EPHA6: variants seen among roughly 807,000 people sequenced by gnomAD.
EPHA6 encodes EPH receptor A6.
Under a neutral mutation model 112.0 loss-of-function variants are expected in EPHA6, and 50 were observed. The observed-to-expected ratio is 0.45, with a 90% confidence interval of 0.36 to 0.56. The LOEUF is 0.56. Among genes scored for constraint, EPHA6 ranks in the 20% least tolerant of loss-of-function variants. The probability of loss-of-function intolerance (pLI) is 0.00; values close to 1 mark genes in which losing one functional copy is unlikely to be tolerated. For missense variants in EPHA6, 1,280 were observed against 1,417.4 expected, an observed-to-expected ratio of 0.90 and a Z score of 1.56; for synonymous variants, 529 against 490.7, an observed-to-expected ratio of 1.08 and a Z score of -1.03.
chr3:97,652,498 C>T (rs1258306498), intron 14 of EPHA6, among the ~76,000 whole-genome samples: 1 of 152,044 alleles, frequency 6.6e-6, no homozygotes, highest in Non-Finnish European at 1.5e-5. Flanking sequence ...TATCCTTGGA[C>T]ACTTAAGTTT....
rs564625643 is a variant in EPHA6 at position 96,919,363 on chromosome 3, A to G, written c.450+52474A>G. On this transcript the variant is annotated intron_variant, in intron 2 of 17. Coordinates refer to ENST00000389672, the MANE Select transcript of EPHA6 (RefSeq NM_001080448.3). The stretch of plus-strand genomic sequence containing the variant: ...TTGAGAGCATGGATTAAATGTACAC[A>G]CATATACATAAAATGTAAAATAAAA... Among the ~76,000 whole-genome samples, 3 of 152,058 alleles carry G rather than the reference A, an allele frequency of 2.0e-5. No homozygotes were observed. In the East Asian group the frequency reaches 5.8e-4, roughly 29 times the overall value.
intron 3 of EPHA6, among the ~76,000 whole-genome samples, chr3:97,008,208 C>T (rs2043956532): frequency 6.6e-6 from 1 of 152,138 alleles, no homozygotes; most frequent in Non-Finnish European, 1.5e-5. Flanking sequence ...TTTTCCAGCT[C>T]ATTTCCATTC....
intron 11 of EPHA6, among the ~76,000 whole-genome samples, chr3:97,543,210 G>A (rs1560118298): frequency 6.6e-6 from 1 of 152,274 alleles, no homozygotes; most frequent in African/African-American, 2.4e-5. Context: ...TTTTCTTCTA[G>A]GGTTTTTATG....
chr3:97,277,699 G>T (rs1037366453), intron 5 of EPHA6, among the ~76,000 whole-genome samples: 5 of 152,050 alleles, frequency 3.3e-5, no homozygotes, highest in African/African-American at 9.7e-5. Context: ...ACAAAGAAAA[G>T]ATACAATAAA....
intron 3 of EPHA6, among the ~76,000 whole-genome samples, chr3:97,217,198 A>G (rs1219886894): frequency 6.6e-6 from 1 of 152,186 alleles, no homozygotes; most frequent in Non-Finnish European, 1.5e-5. Flanking sequence ...TCAAGGTAGC[A>G]AGATTTCACA....
chr3:97,615,095 T>C (rs963464499), intron 13 of EPHA6, among the ~76,000 whole-genome samples: 2 of 152,070 alleles, frequency 1.3e-5, no homozygotes, highest in Admixed American at 6.6e-5. Context: ...GGGAAACAGT[T>C]TGACCTACAG....
intron 2 of EPHA6, among the ~76,000 whole-genome samples, chr3:96,973,764 G>T (rs1433495699): frequency 6.7e-6 from 1 of 148,768 alleles, no homozygotes; most frequent in Non-Finnish European, 1.5e-5. Context: ...CGTGGGGGCT[G>T]CAGTGAGCCG....
rs72933403 is a variant in EPHA6 at position 96,858,530 on chromosome 3, G to A, written c.386-8295G>A. 1.3e-5 allele frequency among the ~76,000 whole-genome samples: 2 copies of A among 152,062 alleles called. 1 individual carries two copies. Among genetic ancestry groups the A allele is most frequent in the South Asian group, 4.1e-4 (2 of 4,828 alleles). On this transcript the variant is annotated intron_variant, in intron 1 of 17. Transcript: ENST00000389672. ...GCTTGTGTGTCGTGATATTAGGTAT[G>A]CCATGAAAAAGTCCCAAGTCAGTGT...
At chr3:97,659,910 T>C (rs1477454303) in intron 14 of EPHA6, among the ~76,000 whole-genome samples, 5 of 152,030 alleles carry the variant, frequency 3.3e-5, no homozygotes, top group African/African-American at 7.2e-5. Flanking sequence ...TTACAGTTTA[T>C]TTAAGTACTA....
intron 3 of EPHA6, among the ~76,000 whole-genome samples, chr3:97,065,593 T>C (rs535599037): frequency 6.6e-6 from 1 of 152,178 alleles, no homozygotes; most frequent in Non-Finnish European, 1.5e-5. Flanking sequence ...ATTTCTGATA[T>C]CAAGATACTT....
At chr3:97,136,273 T>G (rs1388072345) in intron 3 of EPHA6, among the ~76,000 whole-genome samples, 1 of 152,178 alleles carries the variant, frequency 6.6e-6, no homozygotes, top group Non-Finnish European at 1.5e-5. Context: ...ACCTTAGATA[T>G]TATATAAAAT....
intron 2 of EPHA6, 91 bp downstream of exon 2, chr3:96,866,980 G>C (rs2036353412): frequency 1.5e-6 from 1 of 654,264 alleles, no homozygotes; most frequent in Non-Finnish European, 2.5e-6. Flanking sequence ...GGCCCTACTT[G>C]TTATGAATTT....
chr3:97,168,762 C>G (rs1489998170), intron 3 of EPHA6, among the ~76,000 whole-genome samples: 1 of 152,070 alleles, frequency 6.6e-6, no homozygotes, highest in Non-Finnish European at 1.5e-5. Context: ...AGACCCTTTT[C>G]GTTATACCCA....
chr3:97,741,984 C>T (rs982338739), intron 16 of EPHA6, among the ~76,000 whole-genome samples: 1 of 152,036 alleles, frequency 6.6e-6, no homozygotes, highest in African/African-American at 2.4e-5. Flanking sequence ...CCACAATGCC[C>T]AGCCACTTGA....
intron 13 of EPHA6, among the ~76,000 whole-genome samples, chr3:97,619,632 C>T (rs2093797162): frequency 6.6e-6 from 1 of 151,834 alleles, no homozygotes; most frequent in Admixed American, 6.6e-5. Context: ...AACAGTCAGG[C>T]CAATAGCCAA....
At chr3:97,559,304 A>G (rs1440537735) in intron 11 of EPHA6, among the ~76,000 whole-genome samples, 3 of 152,082 alleles carry the variant, frequency 2.0e-5, no homozygotes, top group Non-Finnish European at 2.9e-5. Context: ...TGCAATGCAT[A>G]TGAATTGGCA....
chr3:97,084,113 T>TATATATATCC, intron 3 of EPHA6, among the ~76,000 whole-genome samples: 2 of 123,712 alleles, frequency 1.6e-5, no homozygotes, highest in African/African-American at 6.6e-5. Flanking sequence ...TATATATATA[T>TATATATATCC]ATATATATAT....
At chr3:96,831,326 A>G (rs573583058) in intron 1 of EPHA6, among the ~76,000 whole-genome samples, 18 of 152,208 alleles carry the variant, frequency 1.2e-4, no homozygotes, top group African/African-American at 4.3e-4. Flanking sequence ...ACCTACTGAG[A>G]AGCCACACAG....
intron 6 of EPHA6, among the ~76,000 whole-genome samples, chr3:97,430,944 T>C (rs2089464901): frequency 6.6e-6 from 1 of 152,076 alleles, no homozygotes; most frequent in Non-Finnish European, 1.5e-5. Context: ...TATCACGTAT[T>C]TGCAGTGACC....
Sources: allele counts gnomAD v4.1 joint callset (sites outside exome capture counted in the v4.1 genomes callset), GRCh38; gene constraint gnomAD v4.1.1; transcripts MANE v1.5; gene names NCBI Gene and HGNC (gene_info 2026-07-23, HGNC 2026-07-21).